INTS2: variants seen among roughly 807,000 people sequenced by gnomAD.
The protein encoded by INTS2 is KIAA1287.
In INTS2, 57 loss-of-function variants were observed where a neutral mutation model predicts 139.6. That is an observed-to-expected ratio of 0.41 (90% CI 0.33 to 0.51). The LOEUF (loss-of-function observed/expected upper bound fraction) is 0.51, where lower values mean the gene tolerates loss of function less well. Among genes scored for constraint, INTS2 ranks in the 20% least tolerant of loss-of-function variants. The pLI is 0.28. For synonymous variants in INTS2, 473 were observed against 493.4 expected (o/e 0.96, Z 0.55); for missense variants, 1,196 against 1,436.7 (o/e 0.83, Z 2.71).
rs147173440 is a variant in INTS2 at position 61,868,581 on chromosome 17, G to T, written c.3244+453C>A. On this transcript the variant is annotated intron_variant, in intron 23 of 24. Transcript: ENST00000251334. The surrounding 1 kb of genome is among the most constrained non-coding windows in gnomAD (Gnocchi z 4.7). The stretch of plus-strand genomic sequence containing the variant: ...ATTTTATTCTACAAACCAGAAGGTG[G>T]TTAAAATATCAGAATATGTTTTAGA... Among the ~76,000 whole-genome samples, 1,216 of 152,174 alleles carry T rather than the reference G, an allele frequency of 8.0e-3. 9 individuals are homozygous for T. Among genetic ancestry groups the T allele is most frequent in the Non-Finnish European group, 0.01 (708 of 67,956 alleles).
chr17:61,913,213 C>T (rs2079545619), intron 5 of INTS2, among the ~76,000 whole-genome samples: 1 of 151,952 alleles, frequency 6.6e-6, no homozygotes, highest in African/African-American at 2.4e-5. Flanking sequence ...GGGCACATGA[C>T]TATAGTCCCA....
chr17:61,869,855 A>C lies in INTS2; in HGVS notation c.2912T>G (p.Met971Arg). ...VITTSAPNKG[M>R]EEGEDNLLCN... ...GAGCAAATTGTCTTCTCCTTCCTCC[A>C]TTCCCTTATTTGGAGCGCTGGTGGT... The change falls in exon 21 of 25, where the codon ATG becomes AGG. Residue 971 changes from methionine to arginine, a missense_variant. This residue lies in a region of INTS2 where 1,129 missense variants were observed against 1,341.9 expected (regional missense o/e 0.84). Coordinates refer to ENST00000251334, the MANE Select transcript of INTS2 (RefSeq NM_001351695.2). This position sits in a 1 kb window ranked among gnomAD's most constrained non-coding sequence, Gnocchi z 5.4. 6.2e-7 allele frequency: 1 copy of C among 1,613,914 alleles called. No individual in the cohort carries two copies. Among genetic ancestry groups the C allele is most frequent in the African/African-American group, 1.3e-5 (1 of 75,038 alleles).
Position 61,895,425 on chromosome 17 carries a change from T to C in INTS2, c.1495-42A>G, listed in dbSNP as rs775747350. The C allele has an allele frequency of 3.3e-6, 4 of 1,195,000 alleles. No individual in the cohort carries two copies. In the East Asian group the frequency reaches 9.9e-5, roughly 30 times the overall value. 74.0% of individuals were successfully genotyped at this position (1,195,000 alleles called of 1,614,324 possible). ...AATTCCAACAGCATGTAAAAATATA[T>C]GAAACACAATTTATTCTAGGGAACT... is the stretch of plus-strand genomic sequence containing the variant. On this transcript the variant is annotated intron_variant, in intron 11 of 24. Coordinates refer to ENST00000251334, the MANE Select transcript of INTS2 (RefSeq NM_001351695.2).
intron 5 of INTS2, among the ~76,000 whole-genome samples, chr17:61,913,867 TTAAAA>T (rs1188075113): frequency 6.6e-6 from 1 of 152,142 alleles, no homozygotes; most frequent in African/African-American, 2.4e-5. Context: ...TTTTTAGTCT[TTAAAA>T]TATAATTAAC....
intron 9 of INTS2, among the ~76,000 whole-genome samples, chr17:61,902,407 C>T (rs1245530127): frequency 6.6e-6 from 1 of 152,190 alleles, no homozygotes; most frequent in East Asian, 1.9e-4. Flanking sequence ...TTCCTCTTTT[C>T]CTTCCCCTCA....
Position 61,877,876 on chromosome 17 carries a change from AC to A in INTS2, c.2456+10del. The stretch of plus-strand genomic sequence containing the variant: ...AATTATCTATTACATGTAACAATAC[AC>A]TGAATTTACCTTCTAGGCATCACAG... On this transcript the variant is annotated intron_variant, in intron 18 of 24. Transcript: ENST00000251334. 2 of 1,590,044 alleles carry A rather than the reference AC, an allele frequency of 1.3e-6. No homozygotes were observed. The highest frequency in any genetic ancestry group is 1.1e-5 in the South Asian group (1 of 90,558).
At chr17:61,890,687 A>C (rs2079282321) in intron 14 of INTS2, among the ~76,000 whole-genome samples, 1 of 151,666 alleles carries the variant, frequency 6.6e-6, no homozygotes, top group African/African-American at 2.4e-5. Context: ...ACCTATGCTG[A>C]ATATCTTGAT....
In INTS2 at chr17:61,919,503, G is replaced by C; in HGVS notation, c.546C>G (p.Ser182=). The C allele has an allele frequency of 6.4e-7, 1 of 1,571,512 alleles. No individual in the cohort carries two copies. The highest frequency in any genetic ancestry group is 1.2e-5 in the South Asian group (1 of 86,574). The change falls in exon 5 of 25, where the codon TCC becomes TCG. Residue 182 remains serine, a synonymous_variant. Transcript: ENST00000251334. Reference sequence around the variant, plus strand: ...CAGCTACATCAACTATAGGGAGCAAGGAAGGGAGCTCTACAAGAAAACAAA... The same window carrying C: ...CAGCTACATCAACTATAGGGAGCAACGAAGGGAGCTCTACAAGAAAACAAA... The part of the protein sequence containing the change: ...VLCILQAELP[S]LLPIVDVAEA...
intron 5 of INTS2, among the ~76,000 whole-genome samples, chr17:61,918,625 G>C (rs1256908428): frequency 6.6e-6 from 1 of 152,034 alleles, no homozygotes; most frequent in East Asian, 1.9e-4. Context: ...TTCCTCCCAG[G>C]CTCCTAATTC....
At chr17:61,912,874 G>A (rs556423906) in intron 5 of INTS2, among the ~76,000 whole-genome samples, 11 of 152,024 alleles carry the variant, frequency 7.2e-5, no homozygotes, top group Non-Finnish European at 1.3e-4. Context: ...TTAAGAGCTC[G>A]AGACCAGCCT....
At position 61,872,539 on chromosome 17, in the gene INTS2, GT is replaced by G. The variant is rs1969423165; in HGVS notation, c.2583-80del. 5.1e-6 allele frequency: 5 copies of G among 987,240 alleles called. No homozygotes were observed. The highest frequency in any genetic ancestry group is 5.7e-6 in the Non-Finnish European group (4 of 703,488). 61.2% of individuals were successfully genotyped at this position (987,240 alleles called of 1,614,324 possible). On this transcript the variant is annotated intron_variant, in intron 19 of 24. Transcript: ENST00000251334. The surrounding 1 kb of genome is among the most constrained non-coding windows in gnomAD (Gnocchi z 4.8). Reference sequence around the variant, plus strand: ...AATTAGCCAGAACATGATCAATTTAGTTTAAATGCTGAGAAAAACCTGAGTA... The same window carrying G: ...AATTAGCCAGAACATGATCAATTTAGTTAAATGCTGAGAAAAACCTGAGTA...
rs1391963918 is a variant in INTS2 at position 61,893,566 on chromosome 17, A to G, written c.1698+199T>C. Among the ~76,000 whole-genome samples the G allele has an allele frequency of 1.3e-5, 2 of 151,966 alleles. No homozygotes were observed. Among genetic ancestry groups the G allele is most frequent in the Non-Finnish European group, 2.9e-5 (2 of 67,994 alleles). On this transcript the variant is annotated intron_variant, in intron 13 of 24. Transcript: ENST00000251334. This position sits in a 1 kb window ranked among gnomAD's most constrained non-coding sequence, Gnocchi z 5.4. The stretch of plus-strand genomic sequence containing the variant: ...AAAAATTAGCCGGGCATGGTGGCAC[A>G]CACCTGTAGTCCCAGCTACCTGGGA...
chr17:61,867,516 G>A lies in INTS2; in HGVS notation c.*41C>T. On this transcript the variant is annotated 3_prime_UTR_variant, in exon 25 of 25. Transcript: ENST00000251334. This position sits in a 1 kb window ranked among gnomAD's most constrained non-coding sequence, Gnocchi z 5.6. ...TTACTAATATGCAGATTCATGTTGG[G>A]TATATGCAGCAAACAACTTTTTGTT... 4 of 1,292,152 alleles carry A rather than the reference G, an allele frequency of 3.1e-6. No individual in the cohort carries two copies. Among genetic ancestry groups the A allele is most frequent in the Non-Finnish European group, 4.4e-6 (4 of 909,838 alleles). 80.0% of individuals were successfully genotyped at this position (1,292,152 alleles called of 1,614,324 possible).
intron 16 of INTS2, among the ~76,000 whole-genome samples, chr17:61,884,189 GC>G (rs1045313262): frequency 6.6e-6 from 1 of 151,936 alleles, no homozygotes; most frequent in African/African-American, 2.4e-5. Context: ...AAAAAAACAA[GC>G]CTTAGATGAG....
At chr17:61,901,769 A>G (rs1603379055) in intron 9 of INTS2, among the ~76,000 whole-genome samples, 1 of 149,544 alleles carries the variant, frequency 6.7e-6, no homozygotes, top group South Asian at 2.1e-4. Context: ...ATTTTTTTGT[A>G]TTTTTTTTAG....
chr17:61,887,359 T>C (rs1475139801), intron 15 of INTS2, among the ~76,000 whole-genome samples: 4 of 151,944 alleles, frequency 2.6e-5, no homozygotes, highest in African/African-American at 4.8e-5. Flanking sequence ...AGTGGGCACC[T>C]GTAATCCCAG....
chr17:61,913,643 T>C (rs1420909753), intron 5 of INTS2, among the ~76,000 whole-genome samples: 1 of 152,126 alleles, frequency 6.6e-6, no homozygotes, highest in African/African-American at 2.4e-5. Context: ...AGCTAAAAGA[T>C]GACGTCAACC....
At chr17:61,878,459 G>C (rs1156972820) in intron 17 of INTS2, among the ~76,000 whole-genome samples, 4 of 151,952 alleles carry the variant, frequency 2.6e-5, no homozygotes, top group Admixed American at 6.6e-5. Flanking sequence ...AGCTACTTAG[G>C]AGACTGAGAC....
At position 61,866,157 on chromosome 17, in the gene INTS2, G is replaced by A. The variant is rs976541199; in HGVS notation, c.*1400C>T. The A allele has an allele frequency of 6.6e-6, 1 of 152,272 alleles. No homozygotes were observed. Among genetic ancestry groups the A allele is most frequent in the Non-Finnish European group, 1.5e-5 (1 of 68,156 alleles). The allele number at this position is 152,272 out of a possible 1,614,324, so 9.4% of individuals were successfully genotyped here. On this transcript the variant is annotated 3_prime_UTR_variant, in exon 25 of 25. Coordinates refer to ENST00000251334, the MANE Select transcript of INTS2 (RefSeq NM_001351695.2). ...AGGTGGGCAGATCACCTGAGGCCAG[G>A]AGTTCAAAACCAGTCTGGGCAACAT...
Sources: gnomAD v4.1 joint callset for allele counts (sites outside exome capture counted in the v4.1 genomes callset) on GRCh38, gnomAD v4.1.1 for gene constraint, gnomAD v4.1.1 regional missense constraint, Gnocchi (gnomAD v3.1) non-coding constraint, MANE v1.5 for transcripts, NCBI Gene and HGNC (gene_info 2026-07-23, HGNC 2026-07-21) for gene names.